Variants in DNAH14 observed in about 807,000 individuals in gnomAD.
DNAH14 encodes the protein axonemal beta dynein heavy chain 14.
In DNAH14, 478 loss-of-function variants were observed where a neutral mutation model predicts 520.9. The observed-to-expected ratio is 0.92, with a 90% CI of 0.85 to 0.99. The LOEUF is 0.99. Ranked by LOEUF, DNAH14 falls within the 50% of genes least tolerant of loss-of-function variation. The pLI is 0.00. For synonymous variants in DNAH14, 1,581 were observed against 1,757.2 expected, an observed-to-expected ratio of 0.90 and a Z score of 2.51; for missense variants, 4,831 against 5,234.5, an observed-to-expected ratio of 0.92 and a Z score of 2.38.
intron 36 of DNAH14, among the ~76,000 whole-genome samples, chr1:225,173,800 C>T (rs72748625): frequency 0.12 from 18,844 of 152,154 alleles, 1,316 homozygotes; most frequent in East Asian, 0.31. Flanking sequence ...AGTATAAAGA[C>T]ATATGCACAT....
At chr1:225,099,403 A>AT (rs1466537516) in intron 22 of DNAH14, among the ~76,000 whole-genome samples, 3 of 152,072 alleles carry the variant, frequency 2.0e-5, no homozygotes, top group Admixed American at 6.6e-5. Context: ...ACCAGCGGTA[A>AT]TTTTTTTACC....
intron 41 of DNAH14, among the ~76,000 whole-genome samples, chr1:225,212,107 C>G (rs947010732): frequency 7.7e-6 from 1 of 129,954 alleles, no homozygotes; most frequent in African/African-American, 2.9e-5. Flanking sequence ...CACCCTGTGT[C>G]AAGTGTTCTC....
At chr1:225,313,812 G>C (rs982151440) in intron 60 of DNAH14, among the ~76,000 whole-genome samples, 2 of 152,144 alleles carry the variant, frequency 1.3e-5, no homozygotes, top group South Asian at 4.1e-4. Flanking sequence ...GAGACTGTTT[G>C]TTATGATTTC....
At chr1:225,218,945 C>T (rs576448488) in intron 41 of DNAH14, among the ~76,000 whole-genome samples, 86 of 151,960 alleles carry the variant, frequency 5.7e-4, no homozygotes, top group Non-Finnish European at 1.0e-3. Flanking sequence ...AAATGGAAAT[C>T]ATAACAGTCT....
At chr1:225,353,620 A>G (rs2095396517) in intron 72 of DNAH14, among the ~76,000 whole-genome samples, 183 bp from the exon 73 acceptor site, 1 of 151,968 alleles carries the variant, frequency 6.6e-6, no homozygotes, top group Non-Finnish European at 1.5e-5. Context: ...CCCTCTTTTG[A>G]GGTGTGAAGC....
rs2064278382 is a variant in DNAH14, at chr1:225,007,563, CAT to C, written c.1107+22_1107+23del. 3 of 1,478,376 alleles carry C rather than the reference CAT, an allele frequency of 2.0e-6. No homozygotes were observed. In the South Asian group the frequency reaches 4.0e-5, roughly 20 times the overall value. 91.6% of individuals were successfully genotyped at this position (1,478,376 alleles called of 1,614,324 possible). Reference sequence around the variant, plus strand: ...TCTAAAGGTAATTCTTTAATTATATCATATTTATCAAAGTTGCAATTTACTAG... The same window carrying C: ...TCTAAAGGTAATTCTTTAATTATATCATTTATCAAAGTTGCAATTTACTAG... On this transcript the variant is annotated intron_variant, in intron 10 of 85. Transcript: ENST00000682510.
intron 58 of DNAH14, among the ~76,000 whole-genome samples, chr1:225,306,259 A>G (rs532732534): frequency 6.6e-6 from 1 of 152,298 alleles, no homozygotes; most frequent in South Asian, 2.1e-4. Flanking sequence ...ATCCAATAAC[A>G]GTTCATTTTA....
At chr1:225,207,575 T>C (rs758182672) in intron 41 of DNAH14, among the ~76,000 whole-genome samples, 2 of 152,132 alleles carry the variant, frequency 1.3e-5, no homozygotes, top group Non-Finnish European at 2.9e-5. Context: ...CACAAAGGCG[T>C]AATCATGAAA....
Position 225,231,161 on chromosome 1 carries a change from A to G in DNAH14, c.6518+10A>G. ...AGGATATAGAAAAGAGGTCAGTTACATTCCTTCAGAAAACATGTTTTAATA... is the reference window on the plus strand; with the variant it reads ...AGGATATAGAAAAGAGGTCAGTTACGTTCCTTCAGAAAACATGTTTTAATA... On this transcript the variant is annotated intron_variant, in intron 42 of 85. Transcript: ENST00000682510. 1 of 1,529,058 alleles carries G rather than the reference A, an allele frequency of 6.5e-7. No individual in the cohort carries two copies. Among genetic ancestry groups the G allele is most frequent in the Non-Finnish European group, 8.8e-7 (1 of 1,135,328 alleles). 94.7% of individuals were successfully genotyped at this position (1,529,058 alleles called of 1,614,324 possible). A position where few individuals can be genotyped will look rare whatever the true frequency, so the allele number is the denominator to read the frequency against.
At chr1:225,146,140 C>T (rs1017596601) in intron 30 of DNAH14, among the ~76,000 whole-genome samples, 4 of 152,144 alleles carry the variant, frequency 2.6e-5, no homozygotes, top group African/African-American at 9.7e-5. Context: ...GAGGGCTCCA[C>T]ATGAGTGAGG....
intron 8 of DNAH14, among the ~76,000 whole-genome samples, chr1:224,991,084 C>CTTGTTTTTTTTTT (rs2063000762): frequency 1.3e-5 from 1 of 77,900 alleles, no homozygotes; most frequent in Non-Finnish European, 2.8e-5. Context: ...TGATGTTGAG[C>CTTGTTTTTTTTTT]TTTTTTTTTT....
At chr1:225,160,451 T>G (rs1011589058) in intron 35 of DNAH14, among the ~76,000 whole-genome samples, 4 of 152,138 alleles carry the variant, frequency 2.6e-5, no homozygotes, top group Admixed American at 1.3e-4. Flanking sequence ...CATGAAAAAC[T>G]TACACACACA....
chr1:225,206,941 A>G, intron 40 of DNAH14, 27 bp from the exon 41 acceptor site: 1 of 1,433,906 alleles, frequency 7.0e-7, no homozygotes, highest in Non-Finnish European at 9.2e-7. Flanking sequence ...TATTTACATA[A>G]GATTATATTT....
intron 23 of DNAH14, 109 bp downstream of exon 23, chr1:225,100,993 C>A: frequency 1.1e-6 from 1 of 920,174 alleles, no homozygotes; most frequent in Non-Finnish European, 1.5e-6. Flanking sequence ...TTTCTTTATT[C>A]TAGCTGCCAA....
At chr1:225,283,601 CT>C (rs771384704) in intron 54 of DNAH14, among the ~76,000 whole-genome samples, 14 of 152,048 alleles carry the variant, frequency 9.2e-5, no homozygotes, top group Non-Finnish European at 1.8e-4. Flanking sequence ...ACTTCAATAC[CT>C]TCACTCTTAA....
chr1:224,935,467 A>G (rs907878770), intron 1 of DNAH14, among the ~76,000 whole-genome samples: 2 of 151,924 alleles, frequency 1.3e-5, no homozygotes, highest in Non-Finnish European at 2.9e-5. Context: ...TAAGTCAAGA[A>G]TAGTAAAAAA....
chr1:225,194,326 C>G (rs535726176), intron 38 of DNAH14, among the ~76,000 whole-genome samples: 66 of 152,176 alleles, frequency 4.3e-4, no homozygotes, highest in African/African-American at 1.5e-3. Flanking sequence ...GACACATAGA[C>G]AAGTAGAGCA....
At chr1:225,212,724 A>G (rs923755690) in intron 41 of DNAH14, among the ~76,000 whole-genome samples, 1 of 152,132 alleles carries the variant, frequency 6.6e-6, no homozygotes, top group Non-Finnish European at 1.5e-5. Context: ...GTGTCTGTTC[A>G]TATCGTTTGC....
chr1:225,088,329 A>G (rs1572976943), intron 21 of DNAH14, among the ~76,000 whole-genome samples: 1 of 152,206 alleles, frequency 6.6e-6, no homozygotes, highest in African/African-American at 2.4e-5. Context: ...GTAAAAATAT[A>G]AAAAAGACCA....
Sources: gnomAD v4.1 joint callset for allele counts (sites outside exome capture counted in the v4.1 genomes callset) on GRCh38, gnomAD v4.1.1 for gene constraint, MANE v1.5 for transcripts, NCBI Gene and HGNC (gene_info 2026-07-23, HGNC 2026-07-21) for gene names.